COL24A1: variants seen among roughly 807,000 people sequenced by gnomAD.
The protein encoded by COL24A1 is collagen type XXIV alpha 1 chain, also known as collagen alpha-1(XXIV) chain.
Under a neutral mutation model 253.9 loss-of-function variants are expected in COL24A1, and 224 were observed. That is an observed-to-expected ratio of 0.88 (90% CI 0.79 to 0.99). The LOEUF (loss-of-function observed/expected upper bound fraction) is 0.99. Among genes scored for constraint, COL24A1 ranks in the 50% least tolerant of loss-of-function variants. The pLI is 0.00. For synonymous variants in COL24A1, 685 were observed against 673.7 expected (o/e 1.02, Z -0.26); for missense variants, 2,131 against 2,068.5 (o/e 1.03, Z -0.59).
At position 85,941,734 on chromosome 1, in the gene COL24A1, G is replaced by A. The variant is rs1161950214; in HGVS notation, c.2562+19515C>T. Reference sequence around the variant, plus strand: ...CTATTTCCTGACATATCTACAGGAAGCAGGCTTTGTGACCACTCAGAGCTT... The same window carrying A: ...CTATTTCCTGACATATCTACAGGAAACAGGCTTTGTGACCACTCAGAGCTT... On this transcript the variant is annotated intron_variant, in intron 24 of 59. Transcript: ENST00000370571. Among the ~76,000 whole-genome samples, 6 of 152,160 alleles carry A rather than the reference G, an allele frequency of 3.9e-5. No individual in the cohort carries two copies. In the South Asian group the frequency reaches 1.0e-3, roughly 26 times the overall value.
At chr1:86,032,118 C>A (rs1698622557) in intron 13 of COL24A1, among the ~76,000 whole-genome samples, 196 bp from the exon 14 acceptor site, 1 of 152,154 alleles carries the variant, frequency 6.6e-6, no homozygotes, top group South Asian at 2.1e-4. Context: ...ATGTTCTTCA[C>A]AAGTGCCCTT....
intron 35 of COL24A1, among the ~76,000 whole-genome samples, chr1:85,869,244 A>G (rs1680137909): frequency 6.6e-6 from 1 of 152,174 alleles, no homozygotes; most frequent in Non-Finnish European, 1.5e-5. Context: ...TGATTCAGTT[A>G]TGACCACTCT....
At chr1:85,879,145 A>G (rs1681532744) in intron 32 of COL24A1, among the ~76,000 whole-genome samples, 1 of 151,916 alleles carries the variant, frequency 6.6e-6, no homozygotes, top group Non-Finnish European at 1.5e-5. Flanking sequence ...ATAGCTAAAA[A>G]CTCATCAACA....
intron 21 of COL24A1, among the ~76,000 whole-genome samples, 200 bp from the exon 22 acceptor site, chr1:85,970,471 A>G (rs958617510): frequency 1.7e-4 from 26 of 152,076 alleles, no homozygotes; most frequent in African/African-American, 5.8e-4. Context: ...GCATTCGTGT[A>G]GGGACCAAAA....
chr1:85,831,895 T>A (rs6676346), intron 43 of COL24A1, among the ~76,000 whole-genome samples: 9,229 of 152,092 alleles, frequency 0.061, 968 homozygotes, highest in African/African-American at 0.21. Context: ...AGCCTGATGG[T>A]AGTTTCTTTT....
chr1:85,855,995 T>C (rs1162819110), intron 37 of COL24A1, among the ~76,000 whole-genome samples: 1 of 152,204 alleles, frequency 6.6e-6, no homozygotes, highest in Non-Finnish European at 1.5e-5. Context: ...GTGTTCATAA[T>C]AGTCTCTGAG....
At chr1:85,760,901 A>G (rs1259477304) in intron 55 of COL24A1, among the ~76,000 whole-genome samples, 1 of 152,202 alleles carries the variant, frequency 6.6e-6, no homozygotes, top group Non-Finnish European at 1.5e-5. Flanking sequence ...TGCCTCAGAG[A>G]TAAGGGTAGC....
chr1:85,899,674 G>A (rs1408233537), intron 28 of COL24A1, among the ~76,000 whole-genome samples: 1 of 152,170 alleles, frequency 6.6e-6, no homozygotes, highest in East Asian at 1.9e-4. Flanking sequence ...TTGGTCCAAA[G>A]ATAGAAAATA....
chr1:85,756,207 G>T (rs1030505981), intron 55 of COL24A1, among the ~76,000 whole-genome samples: 1 of 152,058 alleles, frequency 6.6e-6, no homozygotes, highest in Non-Finnish European at 1.5e-5. Context: ...ATCACTTGAG[G>T]TCAGGAGTTC....
At chr1:85,945,000 G>GGTTTTTTTTTTT (rs1689125102) in intron 24 of COL24A1, among the ~76,000 whole-genome samples, 1 of 36,124 alleles carries the variant, frequency 2.8e-5, no homozygotes, top group African/African-American at 9.6e-5. Context: ...GTCTATCATT[G>GGTTTTTTTTTTT]TGTTTTTTTT....
intron 32 of COL24A1, among the ~76,000 whole-genome samples, chr1:85,885,912 T>C (rs1181953967): frequency 6.6e-6 from 1 of 152,212 alleles, no homozygotes; most frequent in Non-Finnish European, 1.5e-5. Flanking sequence ...TCTGTCTTTA[T>C]GGCCTTCAGC....
intron 19 of COL24A1, among the ~76,000 whole-genome samples, chr1:86,012,134 AT>A (rs1178048290): frequency 9.9e-5 from 15 of 152,138 alleles, no homozygotes; most frequent in Admixed American, 2.0e-4. Flanking sequence ...AATAAAAAAA[AT>A]AAATAAAAAT....
intron 46 of COL24A1, 70 bp from the exon 47 acceptor site, chr1:85,816,965 T>C: frequency 8.8e-7 from 1 of 1,142,486 alleles, no homozygotes; most frequent in Non-Finnish European, 1.3e-6. Context: ...TACTTTTTTA[T>C]TTATTGAGCT....
At chr1:85,836,302 G>T (rs1278148469) in intron 43 of COL24A1, among the ~76,000 whole-genome samples, 1 of 152,168 alleles carries the variant, frequency 6.6e-6, no homozygotes, top group Admixed American at 6.5e-5. Context: ...CAGAAGAAAA[G>T]ATATTTTTCC....
At chr1:85,736,570 A>G (rs1299122432) in intron 58 of COL24A1, 1 of 444,744 alleles carries the variant, frequency 2.2e-6, no homozygotes, top group Non-Finnish European at 4.6e-6. Context: ...CTATTAAGAT[A>G]AATTGATGGA....
At chr1:86,109,892 G>T (rs6690902) in intron 5 of COL24A1, among the ~76,000 whole-genome samples, 22,334 of 152,116 alleles carry the variant, frequency 0.15, 1,781 homozygotes, top group South Asian at 0.24. Flanking sequence ...TTATAAAAGA[G>T]ACCCCAGAGA....
chr1:86,055,092 G>A (rs1413423008), intron 10 of COL24A1, among the ~76,000 whole-genome samples: 1 of 152,106 alleles, frequency 6.6e-6, no homozygotes, highest in Non-Finnish European at 1.5e-5. Flanking sequence ...GCTGAACATT[G>A]GGTATACATG....
chr1:86,109,735 C>A (rs777909432), intron 5 of COL24A1, among the ~76,000 whole-genome samples: 13 of 152,204 alleles, frequency 8.5e-5, no homozygotes, highest in Non-Finnish European at 1.5e-4. Context: ...CTTCCCCCAA[C>A]CTCTGTCATC....
chr1:86,045,934 T>G (rs1161911259), intron 12 of COL24A1: 1 of 388,360 alleles, frequency 2.6e-6, no homozygotes, highest in Non-Finnish European at 5.1e-6. Context: ...AAAAGGATTC[T>G]GGATTTAGAT....
Sources: gnomAD v4.1 joint callset for allele counts (sites outside exome capture counted in the v4.1 genomes callset) on GRCh38, gnomAD v4.1.1 for gene constraint, MANE v1.5 for transcripts, NCBI Gene and HGNC (gene_info 2026-07-23, HGNC 2026-07-21) for gene names.